TNNI3: variants seen among roughly 807,000 people sequenced by gnomAD.
TNNI3 encodes the protein troponin I3, cardiac type.
TNNI3 carries 23 observed loss-of-function variants against 31.5 expected under a neutral mutation model. That is an observed-to-expected ratio of 0.73 (90% CI 0.52 to 1.03). The LOEUF (loss-of-function observed/expected upper bound fraction) is 1.03. TNNI3 is among the 50% of genes least tolerant of loss of function. TNNI3 has a pLI of 0.00. For missense variants in TNNI3, 236 were observed against 282.9 expected, an observed-to-expected ratio of 0.83 and a Z score of 1.19; for synonymous variants, 120 against 111.7, an observed-to-expected ratio of 1.07 and a Z score of -0.47.
At position 55,156,751 on chromosome 19, in the gene TNNI3, GC is replaced by G; in HGVS notation, c.109-108del. 1 of 1,296,808 alleles carries G rather than the reference GC, an allele frequency of 7.7e-7. No homozygotes were observed. 80.3% of individuals were successfully genotyped at this position (1,296,808 alleles called of 1,614,324 possible). A position where few individuals can be genotyped will look rare whatever the true frequency, so the allele number is the denominator to read the frequency against. On this transcript the variant is annotated intron_variant, in intron 3 of 7. Coordinates refer to ENST00000344887, the MANE Select transcript of TNNI3 (RefSeq NM_000363.5). The surrounding 1 kb of genome is among the most constrained non-coding windows in gnomAD (Gnocchi z 4.6). Reference sequence around the variant, plus strand: ...GCAAACCCAGCCGGTCCAGATTTGGGCCCACGTCCAACTTGAGCCCTGAGTC... The same window carrying G: ...GCAAACCCAGCCGGTCCAGATTTGGGCCACGTCCAACTTGAGCCCTGAGTC...
In TNNI3 at chr19:55,156,049, A is replaced by C; in HGVS notation, c.282+152T>G. ...GAGCCAAGACTCCACAGACCTGCACACAAAGGGTGTTAGGGGCCAGGAGTC... is the reference window on the plus strand; with the variant it reads ...GAGCCAAGACTCCACAGACCTGCACCCAAAGGGTGTTAGGGGCCAGGAGTC... On this transcript the variant is annotated intron_variant, in intron 5 of 7. Transcript: ENST00000344887. The surrounding 1 kb of genome is among the most constrained non-coding windows in gnomAD (Gnocchi z 4.6). 1 of 1,188,996 alleles carries C rather than the reference A, an allele frequency of 8.4e-7. No homozygotes were observed. The allele number at this position is 1,188,996 out of a possible 1,614,324, so 73.7% of individuals were successfully genotyped here.
Position 55,156,452 on chromosome 19 carries a change from G to T in TNNI3, c.151-120C>A. 1 of 1,503,626 alleles carries T rather than the reference G, an allele frequency of 6.7e-7. No homozygotes were observed. The allele number at this position is 1,503,626 out of a possible 1,614,324, so 93.1% of individuals were successfully genotyped here. A position where few individuals can be genotyped will look rare whatever the true frequency, so the allele number is the denominator to read the frequency against. On this transcript the variant is annotated intron_variant, in intron 4 of 7. Coordinates refer to ENST00000344887, the MANE Select transcript of TNNI3 (RefSeq NM_000363.5). This position sits in a 1 kb window ranked among gnomAD's most constrained non-coding sequence, Gnocchi z 4.6. ...TTGGTCTCCACTGTTCCAAGGCCCC[G>T]TCCCACCCCGAGCAGTACTCCCCGC...
chr19:55,154,259 A>G, intron 6 of TNNI3, 53 bp from the exon 7 acceptor site: 4 of 1,564,642 alleles, frequency 2.6e-6, no homozygotes, highest in Non-Finnish European at 3.5e-6. Context: ...CGCACACCCA[A>G]CTCCTCCATC....
rs1308181541 is a variant in TNNI3, at chr19:55,154,152, T to C, written c.427A>G (p.Thr143Ala). 6.2e-7 allele frequency: 1 copy of C among 1,613,208 alleles called. No homozygotes were observed. The highest frequency in any genetic ancestry group is 8.5e-7 in the Non-Finnish European group (1 of 1,180,026). Residue 143 changes from threonine to alanine, a missense_variant, in exon 7 of 8, where the codon ACC becomes GCC. Coordinates refer to ENST00000344887, the MANE Select transcript of TNNI3 (RefSeq NM_000363.5). ...GCAGAGATCCTCACTCTCCGCAGGGTGGGCCGCTTAAACTTGCCTCGAAGG... is the reference window on the plus strand; with the variant it reads ...GCAGAGATCCTCACTCTCCGCAGGGCGGGCCGCTTAAACTTGCCTCGAAGG... ...FDLRGKFKRP[T>A]LRRVRISADA... is the part of the protein sequence containing the mutation.
rs377421427 is a variant in TNNI3, at chr19:55,157,113, T to G, written c.45A>C (p.Ala15=). ...SSDAAREPRP[A]PAPIRRRSSN... Reference sequence around the variant, plus strand: ...AGGAGCGGCGTCTGATTGGGGCTGGTGCAGGGCGAGGTTCCCTAGCCTGGG... The same window carrying G: ...AGGAGCGGCGTCTGATTGGGGCTGGGGCAGGGCGAGGTTCCCTAGCCTGGG... The change falls in exon 3 of 8, where the codon GCA becomes GCC. Residue 15 remains alanine, a synonymous_variant. Transcript: ENST00000344887. The surrounding 1 kb of genome is among the most constrained non-coding windows in gnomAD (Gnocchi z 6.3). 14 of 1,602,184 alleles carry G rather than the reference T, an allele frequency of 8.7e-6. No individual in the cohort carries two copies. Among genetic ancestry groups the G allele is most frequent in the African/African-American group, 2.7e-5 (2 of 74,834 alleles).
intron 6 of TNNI3, 83 bp downstream of exon 6, chr19:55,154,658 G>A: frequency 8.2e-7 from 1 of 1,219,752 alleles, no homozygotes; most frequent in Non-Finnish European, 1.2e-6. Flanking sequence ...GCAGCCAAAA[G>A]CAGCTGCAAG....
chr19:55,157,448 C>T lies in TNNI3; in HGVS notation c.11+131G>A. Reference sequence around the variant, plus strand: ...GGGTTCCAGGAGTCTGACTCGCAAACCCACTTCCTCTCTTCACCCAAGAGT... The same window carrying T: ...GGGTTCCAGGAGTCTGACTCGCAAATCCACTTCCTCTCTTCACCCAAGAGT... On this transcript the variant is annotated intron_variant, in intron 1 of 7. Transcript: ENST00000344887. This position sits in a 1 kb window ranked among gnomAD's most constrained non-coding sequence, Gnocchi z 6.3. 2 of 1,576,880 alleles carry T rather than the reference C, an allele frequency of 1.3e-6. No individual in the cohort carries two copies. Among genetic ancestry groups the T allele is most frequent in the Non-Finnish European group, 1.7e-6 (2 of 1,151,090 alleles).
chr19:55,152,773 G>A lies in TNNI3; in HGVS notation c.550-856C>T, dbSNP rs2085702363. ...CCTGAGGAGCTGGGACCACAGGTGT[G>A]TGCCACCATGCCCAGCTAACTTTTG... On this transcript the variant is annotated intron_variant, in intron 7 of 7. Transcript: ENST00000344887. The surrounding 1 kb of genome is among the most constrained non-coding windows in gnomAD (Gnocchi z 4.0). Among the ~76,000 whole-genome samples the A allele has an allele frequency of 6.6e-6, 1 of 152,070 alleles. No homozygotes were observed. Among genetic ancestry groups the A allele is most frequent in the Non-Finnish European group, 1.5e-5 (1 of 68,016 alleles).
chr19:55,156,843 C>T lies in TNNI3; in HGVS notation c.109-199G>A, dbSNP rs2085735148. 4.8e-6 allele frequency: 4 copies of T among 826,452 alleles called. No individual in the cohort carries two copies. Among genetic ancestry groups the T allele is most frequent in the Non-Finnish European group, 7.9e-6 (4 of 506,626 alleles). 51.2% of individuals were successfully genotyped at this position (826,452 alleles called of 1,614,324 possible). A position where few individuals can be genotyped will look rare whatever the true frequency, so the allele number is the denominator to read the frequency against. The stretch of plus-strand genomic sequence containing the variant: ...GTCTCTTCCTTTGGATAGGCACTTC[C>T]CATCTATCCCTAAGCAAGTCCGAGG... On this transcript the variant is annotated intron_variant, in intron 3 of 7. Coordinates refer to ENST00000344887, the MANE Select transcript of TNNI3 (RefSeq NM_000363.5). The surrounding 1 kb of genome is among the most constrained non-coding windows in gnomAD (Gnocchi z 4.6).
chr19:55,154,970 G>T, intron 5 of TNNI3, 140 bp from the exon 6 acceptor site: 2 of 734,448 alleles, frequency 2.7e-6, no homozygotes, highest in Non-Finnish European at 4.8e-6. Context: ...TGGACTCCTG[G>T]GTCTGAGGGA....
Position 55,156,493 on chromosome 19 carries a change from A to G in TNNI3, c.150+110T>C. The G allele has an allele frequency of 6.6e-7, 1 of 1,504,686 alleles. No individual in the cohort carries two copies. The highest frequency in any genetic ancestry group is 2.0e-5 in the Admixed American group (1 of 50,244). The allele number at this position is 1,504,686 out of a possible 1,614,324, so 93.2% of individuals were successfully genotyped here. The stretch of plus-strand genomic sequence containing the variant: ...TACTCCCCGCTAAAGCCACGCCCCG[A>G]GCGGCCAAACCCCGCCCACTTCCGC... On this transcript the variant is annotated intron_variant, in intron 4 of 7. Transcript: ENST00000344887. This position sits in a 1 kb window ranked among gnomAD's most constrained non-coding sequence, Gnocchi z 4.6.
At position 55,154,042 on chromosome 19, in the gene TNNI3, C is replaced by T. The variant is rs3729841; in HGVS notation, c.537G>A (p.Glu179=). The change falls in exon 7 of 8, where the codon GAG becomes GAA. Residue 179 remains glutamate, a synonymous_variant. Coordinates refer to ENST00000344887, the MANE Select transcript of TNNI3 (RefSeq NM_000363.5). ...LRAHLKQVKK[E]DTEKENREVG... ...AGCCCACACTCACCTTCTCGGTGTC[C>T]TCCTTCTTCACCTGCTTGAGGTGGG... The T allele has an allele frequency of 0.066, 106,796 of 1,611,958 alleles. 4,094 individuals carry two copies. The highest frequency in any genetic ancestry group is 0.16 in the Middle Eastern group (829 of 5,198).
In TNNI3 at chr19:55,151,784, G is replaced by C. The variant is rs1383117157; in HGVS notation, c.*50C>G. On this transcript the variant is annotated 3_prime_UTR_variant, in exon 8 of 8. Transcript: ENST00000344887. ...GGAGTCACTTTCAGCTCAGAGAGAA[G>C]CTTTATTCCTCAGGGCCCTCCTCAG... 2 of 1,560,198 alleles carry C rather than the reference G, an allele frequency of 1.3e-6. No homozygotes were observed. Among genetic ancestry groups the C allele is most frequent in the Admixed American group, 1.7e-5 (1 of 59,848 alleles).
chr19:55,154,578 G>C, intron 6 of TNNI3, 163 bp downstream of exon 6: 1 of 719,078 alleles, frequency 1.4e-6, no homozygotes, highest in South Asian at 1.5e-5. Context: ...AGCTTTCCTT[G>C]ACTATATTGT....
At chr19:55,154,276 T>G in intron 6 of TNNI3, 70 bp from the exon 7 acceptor site, 1 of 1,495,844 alleles carries the variant, frequency 6.7e-7, no homozygotes. Context: ...CATCCTACAC[T>G]CCTTTTTTAT....
Position 55,156,504 on chromosome 19 carries a change from C to T in TNNI3, c.150+99G>A, listed in dbSNP as rs565457071. The T allele has an allele frequency of 1.3e-6, 2 of 1,525,458 alleles. No homozygotes were observed. The highest frequency in any genetic ancestry group is 3.9e-5 in the Admixed American group (2 of 50,882). 94.5% of individuals were successfully genotyped at this position (1,525,458 alleles called of 1,614,324 possible). Reference sequence around the variant, plus strand: ...AAAGCCACGCCCCGAGCGGCCAAACCCCGCCCACTTCCGCCCACCTACCCC... The same window carrying T: ...AAAGCCACGCCCCGAGCGGCCAAACTCCGCCCACTTCCGCCCACCTACCCC... On this transcript the variant is annotated intron_variant, in intron 4 of 7. Coordinates refer to ENST00000344887, the MANE Select transcript of TNNI3 (RefSeq NM_000363.5). The surrounding 1 kb of genome is among the most constrained non-coding windows in gnomAD (Gnocchi z 4.6).
At chr19:55,154,438 A>G (rs2085714497) in intron 6 of TNNI3, 8 of 625,710 alleles carry the variant, frequency 1.3e-5, no homozygotes, top group Admixed American at 2.6e-5. Context: ...GTCCAGCTAC[A>G]TGCAAATCAC....
At position 55,152,527 on chromosome 19, in the gene TNNI3, C is replaced by T. The variant is rs2085701159; in HGVS notation, c.550-610G>A. 6.6e-6 allele frequency among the ~76,000 whole-genome samples: 1 copy of T among 152,216 alleles called. No homozygotes were observed. The highest frequency in any genetic ancestry group is 2.4e-5 in the African/African-American group (1 of 41,446). ...TCAGCACATAGGCACTGTCATTTTA[C>T]ATCACAAGGAAAAGAAGGGTGATTA... is the stretch of plus-strand genomic sequence containing the variant. On this transcript the variant is annotated intron_variant, in intron 7 of 7. Transcript: ENST00000344887. The surrounding 1 kb of genome is among the most constrained non-coding windows in gnomAD (Gnocchi z 4.0).
chr19:55,154,473 A>G, intron 6 of TNNI3: 1 of 619,984 alleles, frequency 1.6e-6, no homozygotes, highest in Admixed American at 2.6e-5. Flanking sequence ...TGCCTGAGCT[A>G]ATTTACCAAC....
Sources: allele counts gnomAD v4.1 joint callset (sites outside exome capture counted in the v4.1 genomes callset), GRCh38; gene constraint gnomAD v4.1.1; non-coding constraint Gnocchi (gnomAD v3.1); transcripts MANE v1.5; gene names NCBI Gene and HGNC (gene_info 2026-07-23, HGNC 2026-07-21).